STRN3: variants seen among roughly 807,000 people sequenced by gnomAD.
STRN3 encodes the protein striatin 3.
In STRN3, 29 loss-of-function variants were observed where a neutral mutation model predicts 95.6. The observed-to-expected ratio is 0.30, with a 90% CI of 0.23 to 0.41. The LOEUF (loss-of-function observed/expected upper bound fraction) is 0.41. Among genes scored for constraint, STRN3 ranks in the 10% least tolerant of loss-of-function variants. The pLI is 1.00. For synonymous variants in STRN3, 331 were observed against 357.6 expected (o/e 0.93, Z 0.84); for missense variants, 890 against 972.1 (o/e 0.92, Z 1.12).
chr14:30,968,332 TA>T (rs1446863616), intron 1 of STRN3, among the ~76,000 whole-genome samples: 1 of 146,866 alleles, frequency 6.8e-6, no homozygotes, highest in Non-Finnish European at 1.5e-5. Context: ...AGAATTTATG[TA>T]AAAAGAACGT....
In STRN3 at chr14:30,989,328, T is replaced by G. The variant is rs576917791; in HGVS notation, c.283-33086A>C. On this transcript the variant is annotated intron_variant, in intron 1 of 17. Coordinates refer to ENST00000357479, the MANE Select transcript of STRN3 (RefSeq NM_001083893.2). ...ACCTGGAAGAGATGGCTTGCTGTTA[T>G]ATACCTAGGCCTGACTTCAAAAGCC... Among the ~76,000 whole-genome samples the G allele has an allele frequency of 9.2e-5, 14 of 152,314 alleles. No individual in the cohort carries two copies. The East Asian group carries it at 1.2e-3, about 13-fold the overall frequency.
At chr14:30,918,493 A>G (rs948199858) in intron 9 of STRN3, among the ~76,000 whole-genome samples, 4 of 148,872 alleles carry the variant, frequency 2.7e-5, no homozygotes, top group Admixed American at 1.4e-4. Flanking sequence ...TGGGAGACAG[A>G]GTGAGACTCT....
At chr14:30,927,310 TTTTG>T (rs1471720360) in intron 8 of STRN3, among the ~76,000 whole-genome samples, 1 of 152,030 alleles carries the variant, frequency 6.6e-6, no homozygotes, top group Non-Finnish European at 1.5e-5. Flanking sequence ...AAAAAATAAA[TTTTG>T]TTTAATTTTT....
intron 1 of STRN3, among the ~76,000 whole-genome samples, chr14:30,993,463 T>C (rs1882058158): frequency 1.3e-5 from 2 of 152,184 alleles, no homozygotes; most frequent in South Asian, 2.1e-4. Flanking sequence ...TATTGACTAT[T>C]TGCAGTTAAA....
chr14:31,000,008 A>G (rs993451857), intron 1 of STRN3, among the ~76,000 whole-genome samples: 1 of 152,232 alleles, frequency 6.6e-6, no homozygotes, highest in African/African-American at 2.4e-5. Flanking sequence ...TGCTGAAAGA[A>G]AAGAGATTGT....
intron 2 of STRN3, 112 bp from the exon 3 acceptor site, chr14:30,955,805 G>GTTC: frequency 1.1e-6 from 1 of 931,076 alleles, no homozygotes; most frequent in South Asian, 2.0e-5. Context: ...TTTAAACTTT[G>GTTC]TTTGCAAAGA....
rs1476046929 is a variant in STRN3 at position 30,895,584 on chromosome 14, T to C, written c.2225-4A>G. 1.2e-6 allele frequency: 2 copies of C among 1,610,200 alleles called. No individual in the cohort carries two copies. Among genetic ancestry groups the C allele is most frequent in the Non-Finnish European group, 1.7e-6 (2 of 1,177,902 alleles). The stretch of plus-strand genomic sequence containing the variant: ...AATCTGATGGAACAGTCATGGCCTG[T>C]AAAAGAACAAATAAAATTTGTTACT... On this transcript the variant is annotated splice_region_variant and splice_polypyrimidine_tract_variant and intron_variant, in intron 17 of 17. Coordinates refer to ENST00000357479, the MANE Select transcript of STRN3 (RefSeq NM_001083893.2).
chr14:30,985,021 A>T (rs1594540708), intron 1 of STRN3, among the ~76,000 whole-genome samples: 1 of 152,050 alleles, frequency 6.6e-6, no homozygotes, highest in African/African-American at 2.4e-5. Flanking sequence ...TTAATAACAA[A>T]AATATTTTAT....
chr14:30,975,711 T>A (rs28535014), intron 1 of STRN3, among the ~76,000 whole-genome samples: 1 of 151,692 alleles, frequency 6.6e-6, no homozygotes, highest in Non-Finnish European at 1.5e-5. Context: ...CACATGCCAA[T>A]AGTCCCAGCT....
chr14:30,917,225 C>T (rs1896762765), intron 9 of STRN3, among the ~76,000 whole-genome samples: 1 of 152,154 alleles, frequency 6.6e-6, no homozygotes, highest in Non-Finnish European at 1.5e-5. Flanking sequence ...TCACACTTAT[C>T]AAATCTCTCC....
At chr14:30,999,682 ACAC>A (rs951886228) in intron 1 of STRN3, among the ~76,000 whole-genome samples, 36 of 152,338 alleles carry the variant, frequency 2.4e-4, no homozygotes, top group Middle Eastern at 3.4e-3. Flanking sequence ...AACCTGTGGG[ACAC>A]CATTAAGTAT....
intron 1 of STRN3, among the ~76,000 whole-genome samples, chr14:31,006,290 C>T (rs1383246937): frequency 3.3e-5 from 5 of 151,900 alleles, no homozygotes; most frequent in Non-Finnish European, 7.4e-5. Context: ...TATGGTGGCT[C>T]ATGCCTGTAA....
chr14:31,006,932 G>A (rs142406407), intron 1 of STRN3, among the ~76,000 whole-genome samples: 4 of 151,958 alleles, frequency 2.6e-5, no homozygotes, highest in African/African-American at 7.3e-5. Flanking sequence ...GGCTATAACT[G>A]CACTTCTGAA....
At chr14:30,916,402 A>G (rs941472645) in intron 9 of STRN3, among the ~76,000 whole-genome samples, 2 of 151,282 alleles carry the variant, frequency 1.3e-5, no homozygotes, top group African/African-American at 2.4e-5. Flanking sequence ...AACCTCCTGA[A>G]TAGCTGGGAC....
chr14:31,021,879 A>C (rs1242010737), intron 1 of STRN3, among the ~76,000 whole-genome samples: 1 of 152,216 alleles, frequency 6.6e-6, no homozygotes, highest in Non-Finnish European at 1.5e-5. Flanking sequence ...GTGGAGGAGC[A>C]TAAAGAGAAT....
At chr14:31,025,855 C>T in intron 1 of STRN3, 49 bp downstream of exon 1, 2 of 1,567,300 alleles carry the variant, frequency 1.3e-6, no homozygotes, top group Non-Finnish European at 1.7e-6. Context: ...CACCCCCCGG[C>T]CGGGAACCCA....
chr14:30,912,032 G>C lies in STRN3; in HGVS notation c.1525C>G (p.Leu509Val). The change falls in exon 11 of 18, where the codon CTG becomes GTG. Residue 509 changes from leucine to valine, a missense_variant. By Grantham distance (32) the Leu-to-Val change is conservative (BLOSUM62 1). Around this residue, in one of 3 missense-constraint regions of STRN3, gnomAD observed 357 missense variants for 422.8 expected, o/e 0.84. Transcript: ENST00000357479. ...TTTTTGGCAGGAACTGTTTTTTGCA[G>C]GTTCCAAAGTTTCAGGGTATGGTCC... is the stretch of plus-strand genomic sequence containing the variant. ...SEDHTLKLWNLQKTVPAKKSA... is the reference protein window; with the variant it reads ...SEDHTLKLWNVQKTVPAKKSA... The C allele has an allele frequency of 6.2e-7, 1 of 1,607,582 alleles. No homozygotes were observed. Among genetic ancestry groups the C allele is most frequent in the Non-Finnish European group, 8.5e-7 (1 of 1,178,464 alleles).
Position 30,950,884 on chromosome 14 carries a change from T to G in STRN3, c.521A>C (p.Gln174Pro). The G allele has an allele frequency of 6.2e-7, 1 of 1,614,004 alleles. No homozygotes were observed. Among genetic ancestry groups the G allele is most frequent in the African/African-American group, 1.3e-5 (1 of 75,050 alleles). ...TCACTGTCTTAAAAGCTGTCTGCCT[T>G]GCTTCCACGTTAACTGGCTATTCTG... ...APQNSQLTWK[Q>P]GRQLLRQYLQ... Residue 174 changes from glutamine to proline, a missense_variant, in exon 4 of 18, where the codon CAA becomes CCA. Gln to Pro is a moderately conservative substitution (Grantham distance 76). This residue lies in a region of STRN3 where 526 missense variants were observed against 526.3 expected (regional missense o/e 1.00). Transcript: ENST00000357479.
At chr14:30,943,282 G>A (rs547443491) in intron 5 of STRN3, among the ~76,000 whole-genome samples, 1 of 152,150 alleles carries the variant, frequency 6.6e-6, no homozygotes, top group African/African-American at 2.4e-5. Context: ...AGAAAGCCTC[G>A]ATTAAAACAA....
Sources: allele counts gnomAD v4.1 joint callset (sites outside exome capture counted in the v4.1 genomes callset), GRCh38; gene constraint gnomAD v4.1.1; regional missense constraint gnomAD v4.1.1; transcripts MANE v1.5; gene names NCBI Gene and HGNC (gene_info 2026-07-23, HGNC 2026-07-21).